The following ADAM32 variants were observed in gnomAD, a reference collection of about 807,000 sequenced individuals.
ADAM32 encodes disintegrin and metalloproteinase domain-containing protein 32.
In ADAM32, 89 loss-of-function variants were observed where a neutral mutation model predicts 114.9. The observed-to-expected ratio is 0.77, with a 90% CI of 0.65 to 0.92. ADAM32 has a LOEUF of 0.92. Ranked by LOEUF, ADAM32 falls within the 40% of genes least tolerant of loss-of-function variation. The probability of loss-of-function intolerance (pLI) is 0.00; values close to 1 mark genes in which losing one functional copy is unlikely to be tolerated. For missense variants in ADAM32, 870 were observed against 932.8 expected (o/e 0.93, Z 0.88); for synonymous variants, 285 against 307.5 (o/e 0.93, Z 0.77).
At chr8:39,157,987 C>T in intron 6 of ADAM32, 1 of 315,028 alleles carries the variant, frequency 3.2e-6, no homozygotes, top group South Asian at 3.6e-5. Flanking sequence ...CTTCCACAGC[C>T]CTCAGTGGGT....
chr8:39,236,287 A>G (rs1414986290), intron 16 of ADAM32, among the ~76,000 whole-genome samples: 1 of 152,144 alleles, frequency 6.6e-6, no homozygotes, highest in Non-Finnish European at 1.5e-5. Flanking sequence ...ATATGGAGTT[A>G]ATTTTTTACT....
chr8:39,281,248 A>G, intron 23 of ADAM32, 74 bp downstream of exon 23: 1 of 908,842 alleles, frequency 1.1e-6, no homozygotes, highest in Non-Finnish European at 1.5e-6. Flanking sequence ...ATAATTCACA[A>G]ATAATTGCTC....
At chr8:39,197,963 C>T (rs1489314689) in intron 11 of ADAM32, among the ~76,000 whole-genome samples, 1 of 151,996 alleles carries the variant, frequency 6.6e-6, no homozygotes, top group East Asian at 1.9e-4. Flanking sequence ...TCTCTGTTTA[C>T]TTCTAATAAT....
intron 19 of ADAM32, among the ~76,000 whole-genome samples, chr8:39,265,763 G>A (rs1585681089): frequency 6.6e-6 from 1 of 152,200 alleles, no homozygotes; most frequent in East Asian, 1.9e-4. Flanking sequence ...GTGTTGGGGG[G>A]CTACGCATGT....
chr8:39,228,564 C>T (rs1308111241), intron 14 of ADAM32, among the ~76,000 whole-genome samples: 1 of 151,978 alleles, frequency 6.6e-6, no homozygotes, highest in African/African-American at 2.4e-5. Flanking sequence ...TAGAACTGAA[C>T]AAGTAGAAGA....
intron 17 of ADAM32, among the ~76,000 whole-genome samples, chr8:39,249,261 G>T (rs1811137298): frequency 2.0e-5 from 3 of 152,054 alleles, no homozygotes; most frequent in Non-Finnish European, 2.9e-5. Context: ...ATGATAATGT[G>T]ATTTTTCTTC....
intron 18 of ADAM32, among the ~76,000 whole-genome samples, chr8:39,256,428 A>G (rs1188287532): frequency 6.6e-6 from 1 of 152,040 alleles, no homozygotes; most frequent in East Asian, 1.9e-4. Context: ...CATTTAAATC[A>G]GAAAAATCCA....
intron 11 of ADAM32, among the ~76,000 whole-genome samples, chr8:39,188,969 T>G (rs1806423903): frequency 6.6e-6 from 1 of 152,124 alleles, no homozygotes; most frequent in Non-Finnish European, 1.5e-5. Flanking sequence ...ATGTGTTTAT[T>G]AAAAAGCCCT....
chr8:39,109,531 G>A, intron 1 of ADAM32, among the ~76,000 whole-genome samples: 1 of 151,960 alleles, frequency 6.6e-6, no homozygotes, highest in South Asian at 2.1e-4. Context: ...TGGGTGACAA[G>A]AGCAAAACTC....
intron 19 of ADAM32, among the ~76,000 whole-genome samples, chr8:39,268,038 T>G (rs1812477190): frequency 6.6e-6 from 1 of 152,230 alleles, no homozygotes; most frequent in South Asian, 2.1e-4. Flanking sequence ...AAGAAGAATT[T>G]CTTACTGTAT....
chr8:39,256,213 C>T lies in ADAM32; in HGVS notation c.2006-974C>T, dbSNP rs1480026240. On this transcript the variant is annotated intron_variant, in intron 18 of 24. Coordinates refer to ENST00000379907, the MANE Select transcript of ADAM32 (RefSeq NM_145004.7). ...TAACATTAAAATATCATAATTCACGCTGAATACCTTTTAAAATTTCTCTTT... is the reference window on the plus strand; with the variant it reads ...TAACATTAAAATATCATAATTCACGTTGAATACCTTTTAAAATTTCTCTTT... 2.0e-5 allele frequency among the ~76,000 whole-genome samples: 3 copies of T among 151,914 alleles called. No individual in the cohort carries two copies. In the East Asian group the frequency reaches 5.8e-4, roughly 29 times the overall value.
At chr8:39,209,409 T>C (rs954094506) in intron 11 of ADAM32, among the ~76,000 whole-genome samples, 2 of 152,222 alleles carry the variant, frequency 1.3e-5, no homozygotes, top group Non-Finnish European at 2.9e-5. Flanking sequence ...TTATTTGAGC[T>C]TCCTCAAAAC....
intron 14 of ADAM32, among the ~76,000 whole-genome samples, chr8:39,231,014 C>T (rs1809700759): frequency 6.6e-6 from 1 of 152,036 alleles, no homozygotes; most frequent in Non-Finnish European, 1.5e-5. Context: ...TTGGATAATT[C>T]CCTCCCTTTG....
At chr8:39,237,605 G>A (rs114204494) in intron 16 of ADAM32, among the ~76,000 whole-genome samples, 8,056 of 152,086 alleles carry the variant, frequency 0.053, 727 homozygotes, top group African/African-American at 0.18. Flanking sequence ...TGTCACTGCC[G>A]GCTTTCCCCC....
At chr8:39,114,091 G>A (rs770714584) in intron 1 of ADAM32, among the ~76,000 whole-genome samples, 5 of 151,940 alleles carry the variant, frequency 3.3e-5, no homozygotes, top group African/African-American at 1.2e-4. Flanking sequence ...CTATAACTTC[G>A]TTCACCATTG....
intron 12 of ADAM32, among the ~76,000 whole-genome samples, chr8:39,214,315 G>A (rs539864293): frequency 2.0e-5 from 3 of 152,260 alleles, no homozygotes; most frequent in Non-Finnish European, 2.9e-5. Context: ...CAGTGTACAA[G>A]TATTCCCTTT....
intron 2 of ADAM32, 92 bp from the exon 3 acceptor site, chr8:39,136,565 A>G: frequency 1.3e-6 from 1 of 749,034 alleles, no homozygotes; most frequent in Non-Finnish European, 2.1e-6. Context: ...AGATGTTTTA[A>G]GCATTGTTTG....
intron 17 of ADAM32, among the ~76,000 whole-genome samples, chr8:39,252,645 T>G (rs188087262): frequency 2.8e-4 from 42 of 151,380 alleles, no homozygotes; most frequent in African/African-American, 9.7e-4. Flanking sequence ...AGAGTTGAGT[T>G]TTTGAAAAGA....
At chr8:39,277,635 G>C (rs1813158913) in intron 22 of ADAM32, among the ~76,000 whole-genome samples, 1 of 152,194 alleles carries the variant, frequency 6.6e-6, no homozygotes, top group Non-Finnish European at 1.5e-5. Flanking sequence ...GAACCAGCCG[G>C]CCATTTCAGC....
Sources: allele counts gnomAD v4.1 joint callset (sites outside exome capture counted in the v4.1 genomes callset), GRCh38; gene constraint gnomAD v4.1.1; transcripts MANE v1.5; gene names NCBI Gene and HGNC (gene_info 2026-07-23, HGNC 2026-07-21).